Variants in MDGA2 observed in about 807,000 individuals in gnomAD.
MDGA2 encodes MAM domain containing glycosylphosphatidylinositol anchor 2.
In MDGA2, 40 loss-of-function variants were observed where a neutral mutation model predicts 117.8. The observed-to-expected ratio is 0.34, with a 90% CI of 0.26 to 0.44. The LOEUF is 0.44. MDGA2 is among the 20% of genes least tolerant of loss of function. The pLI, the probability that MDGA2 is intolerant of heterozygous loss-of-function variation, is 1.00. For missense variants in MDGA2, 1,123 were observed against 1,250.6 expected (o/e 0.90, Z 1.54); for synonymous variants, 452 against 439.0 (o/e 1.03, Z -0.37).
intron 1 of MDGA2, among the ~76,000 whole-genome samples, chr14:47,369,030 A>G (rs1430582912): frequency 6.6e-6 from 1 of 152,176 alleles, no homozygotes; most frequent in Non-Finnish European, 1.5e-5. Flanking sequence ...TACAAAATAA[A>G]TGTTAAAATT....
chr14:47,342,936 C>T (rs1276238174), intron 1 of MDGA2: 3 of 536,004 alleles, frequency 5.6e-6, no homozygotes, highest in Non-Finnish European at 9.8e-6. Context: ...TTAGGGAAAA[C>T]CATACCTTCT....
At chr14:47,633,598 A>C (rs1002092287) in intron 1 of MDGA2, among the ~76,000 whole-genome samples, 1 of 152,246 alleles carries the variant, frequency 6.6e-6, no homozygotes, top group African/African-American at 2.4e-5. Flanking sequence ...AAAAAACGCC[A>C]AATTTCAGTT....
At chr14:47,636,842 C>T (rs1305424688) in intron 1 of MDGA2, among the ~76,000 whole-genome samples, 29 of 125,916 alleles carry the variant, frequency 2.3e-4, no homozygotes, top group Non-Finnish European at 9.5e-5. Context: ...CATGGTGGAG[C>T]GTGCCTGTAA....
Position 47,609,466 on chromosome 14 carries a change from A to ATATATATATATATATAT in MDGA2, c.280+65050_280+65051insATATATATATATATATA, listed in dbSNP as rs1566539792. On this transcript the variant is annotated intron_variant, in intron 1 of 16. Transcript: ENST00000399232. The stretch of plus-strand genomic sequence containing the variant: ...ATATATATATATATATATATATATA[A>ATATATATATATATATAT]GTTTCTTTATCTACTTGTTGATTGA... Among the ~76,000 whole-genome samples the ATATATATATATATATAT allele has an allele frequency of 1.7e-3, 36 of 20,762 alleles. 1 individual carries two copies. The highest frequency in any genetic ancestry group is 0.029 in the Middle Eastern group (1 of 34). The allele number at this position is 20,762 out of a possible 152,430, so 13.6% of individuals were successfully genotyped here.
At chr14:47,455,245 C>T (rs1209755862) in intron 1 of MDGA2, among the ~76,000 whole-genome samples, 3 of 152,116 alleles carry the variant, frequency 2.0e-5, no homozygotes, top group African/African-American at 4.8e-5. Flanking sequence ...GTGGCTCACG[C>T]CTATAATCCC....
At chr14:47,287,379 T>A (rs1238906862) in intron 2 of MDGA2, among the ~76,000 whole-genome samples, 1 of 152,162 alleles carries the variant, frequency 6.6e-6, no homozygotes. Flanking sequence ...TGCATACCAG[T>A]CATATTTATC....
At chr14:47,287,959 G>A (rs1224422865) in intron 2 of MDGA2, among the ~76,000 whole-genome samples, 1 of 152,178 alleles carries the variant, frequency 6.6e-6, no homozygotes. Flanking sequence ...GCTACCCCCA[G>A]AAGCTGGGAA....
chr14:47,520,572 A>T (rs905408291), intron 1 of MDGA2, among the ~76,000 whole-genome samples: 3 of 152,192 alleles, frequency 2.0e-5, no homozygotes, highest in African/African-American at 7.2e-5. Context: ...TTTTTCTATG[A>T]CACATCACAA....
intron 10 of MDGA2, among the ~76,000 whole-genome samples, chr14:46,916,595 T>G (rs1883908304): frequency 6.6e-6 from 1 of 152,138 alleles, no homozygotes; most frequent in Admixed American, 6.6e-5. Context: ...CTGGGGCCAT[T>G]TTGCATGTAG....
chr14:47,194,475 C>G (rs1885218096), intron 3 of MDGA2, among the ~76,000 whole-genome samples: 1 of 151,928 alleles, frequency 6.6e-6, no homozygotes, highest in African/African-American at 2.4e-5. Context: ...AGTTGTTGAG[C>G]CTTTTAAAAA....
chr14:47,263,393 T>C (rs895382816), intron 2 of MDGA2, among the ~76,000 whole-genome samples: 9 of 152,100 alleles, frequency 5.9e-5, no homozygotes, highest in African/African-American at 2.2e-4. Flanking sequence ...TAAATAGTAA[T>C]ATGAAGCCAT....
intron 7 of MDGA2, among the ~76,000 whole-genome samples, chr14:47,057,339 C>T (rs545185107): frequency 1.3e-4 from 20 of 152,034 alleles, no homozygotes; most frequent in South Asian, 2.1e-4. Context: ...CTAGTTTCTA[C>T]GTAATCTGTC....
chr14:47,202,689 C>CA (rs1297490529), intron 3 of MDGA2, among the ~76,000 whole-genome samples: 5 of 152,128 alleles, frequency 3.3e-5, no homozygotes, highest in Non-Finnish European at 7.4e-5. Context: ...AAATGAGCAG[C>CA]ATTTAGGTGC....
At chr14:46,977,205 G>GA (rs1284559469) in intron 8 of MDGA2, among the ~76,000 whole-genome samples, 2 of 150,802 alleles carry the variant, frequency 1.3e-5, no homozygotes, top group Non-Finnish European at 3.0e-5. Context: ...TTTCATATCA[G>GA]AAAAAAAGCC....
Position 47,225,204 on chromosome 14 carries a change from A to T in MDGA2, c.421-7009T>A, listed in dbSNP as rs573413669. 3.5e-4 allele frequency among the ~76,000 whole-genome samples: 53 copies of T among 152,070 alleles called. 1 individual carries two copies. The highest frequency in any genetic ancestry group is 8.8e-5 in the Non-Finnish European group (6 of 67,996). ...TGTGGAGAAATAGGAACACTTTTAC[A>T]CTGTTGGTGGGACTGTAAACTAGTT... On this transcript the variant is annotated intron_variant, in intron 2 of 16. Transcript: ENST00000399232.
intron 3 of MDGA2, among the ~76,000 whole-genome samples, chr14:47,192,026 T>C (rs1294659987): frequency 6.6e-6 from 1 of 152,164 alleles, no homozygotes. Flanking sequence ...AAGCAATTAA[T>C]GAAGCCCCTG....
intron 1 of MDGA2, among the ~76,000 whole-genome samples, chr14:47,428,101 G>A (rs1160331137): frequency 6.6e-6 from 1 of 151,978 alleles, no homozygotes; most frequent in Non-Finnish European, 1.5e-5. Context: ...GGGATGCACT[G>A]CATTAAAAAT....
chr14:47,248,916 CCCTT>C (rs967773544), intron 2 of MDGA2, among the ~76,000 whole-genome samples: 3 of 151,448 alleles, frequency 2.0e-5, no homozygotes, highest in Non-Finnish European at 4.4e-5. Flanking sequence ...ATTTATGTTT[CCCTT>C]CCTTCCTTCC....
At chr14:47,349,652 T>TAA (rs978076243) in intron 1 of MDGA2, among the ~76,000 whole-genome samples, 2 of 152,078 alleles carry the variant, frequency 1.3e-5, no homozygotes, top group Non-Finnish European at 2.9e-5. Flanking sequence ...ATTCATTTTT[T>TAA]AAAAAAAACA....
Sources: gnomAD v4.1 joint callset for allele counts (sites outside exome capture counted in the v4.1 genomes callset) on GRCh38, gnomAD v4.1.1 for gene constraint, MANE v1.5 for transcripts, NCBI Gene and HGNC (gene_info 2026-07-23, HGNC 2026-07-21) for gene names.